Variants in FAM135B observed in about 807,000 individuals in gnomAD.
FAM135B encodes family with sequence similarity 135 member B, also known as protein FAM135B.
In FAM135B, 43 loss-of-function variants were observed where a neutral mutation model predicts 127.7. That is an observed-to-expected ratio of 0.34 (90% CI 0.26 to 0.43). The LOEUF (loss-of-function observed/expected upper bound fraction) is 0.43. Ranked by LOEUF, FAM135B falls within the 20% of genes least tolerant of loss-of-function variation. FAM135B has a pLI of 1.00. For synonymous variants in FAM135B, 670 were observed against 665.1 expected (o/e 1.01, Z -0.11); for missense variants, 1,558 against 1,725.6 (o/e 0.90, Z 1.72).
chr8:138,345,639 A>G (rs951158101), intron 2 of FAM135B, among the ~76,000 whole-genome samples: 14 of 152,200 alleles, frequency 9.2e-5, no homozygotes, highest in African/African-American at 3.4e-4. Flanking sequence ...GTCCAACTCT[A>G]TCTGAAGCCA....
At chr8:138,403,579 T>C (rs1400056041) in intron 1 of FAM135B, among the ~76,000 whole-genome samples, 3 of 152,238 alleles carry the variant, frequency 2.0e-5, no homozygotes, top group Non-Finnish European at 4.4e-5. Context: ...TGTTTATCTC[T>C]GCTCTGCAGA....
chr8:138,495,894 G>A (rs1564043147), intron 1 of FAM135B, among the ~76,000 whole-genome samples: 1 of 152,148 alleles, frequency 6.6e-6, no homozygotes, highest in Admixed American at 6.5e-5. Flanking sequence ...GTCTGAAAGC[G>A]AGATAGTTTG....
chr8:138,458,841 C>T (rs1218145125), intron 1 of FAM135B, among the ~76,000 whole-genome samples: 1 of 152,156 alleles, frequency 6.6e-6, no homozygotes, highest in East Asian at 1.9e-4. Context: ...AGAAGTTACG[C>T]TGAATTCAGA....
intron 7 of FAM135B, among the ~76,000 whole-genome samples, chr8:138,229,489 G>A (rs887323457): frequency 1.3e-5 from 2 of 152,184 alleles, no homozygotes; most frequent in African/African-American, 4.8e-5. Context: ...GTTAGACAGT[G>A]CTGAAGTAAC....
rs764921855 is a variant in FAM135B, at chr8:138,177,336, T to C, written c.1103+11A>G. ...TTTTAGGGATGAAGTGGGCATGCAA[T>C]GGATACTTACAGATTCTCCTGAAAT... is the stretch of plus-strand genomic sequence containing the variant. On this transcript the variant is annotated intron_variant, in intron 11 of 19. Transcript: ENST00000395297. 15 of 1,612,394 alleles carry C rather than the reference T, an allele frequency of 9.3e-6. No individual in the cohort carries two copies. Among genetic ancestry groups the C allele is most frequent in the Non-Finnish European group, 1.1e-5 (13 of 1,178,998 alleles).
intron 12 of FAM135B, among the ~76,000 whole-genome samples, chr8:138,154,945 C>T (rs1818574751): frequency 6.6e-6 from 1 of 152,186 alleles, no homozygotes; most frequent in South Asian, 2.1e-4. Context: ...ATACAGAGAA[C>T]TCCACAAAGA....
chr8:138,333,473 C>G (rs1298337377), intron 2 of FAM135B, among the ~76,000 whole-genome samples: 1 of 152,174 alleles, frequency 6.6e-6, no homozygotes, highest in Non-Finnish European at 1.5e-5. Flanking sequence ...TCCCTGACCT[C>G]ATGGGAAGCC....
intron 3 of FAM135B, among the ~76,000 whole-genome samples, chr8:138,269,964 T>G (rs1426062357): frequency 6.6e-6 from 1 of 152,216 alleles, no homozygotes; most frequent in Non-Finnish European, 1.5e-5. Context: ...TTATTTTTTT[T>G]CCAAAGATTG....
rs756792167 is a variant in FAM135B, at chr8:138,364,294, GC to G, written c.77+3612del. ...AATGCAGAATCCTGGTTGGCATCAT[GC>G]CCAGTCTGTCCACAGCTGCCCAAAG... On this transcript the variant is annotated intron_variant, in intron 2 of 19. Coordinates refer to ENST00000395297, the MANE Select transcript of FAM135B (RefSeq NM_015912.4). Among the ~76,000 whole-genome samples, 76 of 152,278 alleles carry G rather than the reference GC, an allele frequency of 5.0e-4. 1 individual carries two copies. Among genetic ancestry groups the G allele is most frequent in the Non-Finnish European group, 9.0e-4 (61 of 68,032 alleles).
intron 7 of FAM135B, among the ~76,000 whole-genome samples, chr8:138,206,626 A>ACTCTATCATCCCCTTGATCTATGCACAG (rs1817671825): frequency 1.7e-5 from 1 of 58,520 alleles, no homozygotes; most frequent in Non-Finnish European, 3.6e-5. Context: ...CCTACACACA[A>ACTCTATCATCCCCTTGATCTATGCACAG]CTCTATCATC....
chr8:138,431,911 C>T lies in FAM135B; in HGVS notation c.-19-63909G>A, dbSNP rs111432830. Among the ~76,000 whole-genome samples the T allele has an allele frequency of 1.9e-3, 283 of 152,318 alleles. 1 individual carries two copies. Among genetic ancestry groups the T allele is most frequent in the Non-Finnish European group, 3.5e-3 (237 of 68,024 alleles). ...AGAGGAAAGGCCACTCCTAAGAATG[C>T]CTCTCTTGGGAGGAAAACAAAATCA... On this transcript the variant is annotated intron_variant, in intron 1 of 19. Coordinates refer to ENST00000395297, the MANE Select transcript of FAM135B (RefSeq NM_015912.4).
chr8:138,477,475 CTGTT>C (rs1308434641), intron 1 of FAM135B: 2 of 152,184 alleles, frequency 1.3e-5, no homozygotes, highest in African/African-American at 2.4e-5. Flanking sequence ...TTTTCATCAT[CTGTT>C]TGTTTATCTG....
intron 2 of FAM135B, among the ~76,000 whole-genome samples, chr8:138,319,162 A>G (rs2130934465): frequency 6.6e-6 from 1 of 152,224 alleles, no homozygotes; most frequent in South Asian, 2.1e-4. Flanking sequence ...GCTGGAGTGC[A>G]GTGGCGCAAT....
rs1817124295 is a variant in FAM135B at position 138,141,298 on chromosome 8, C to A, written c.3690G>T (p.Arg1230=). 1 of 1,614,040 alleles carries A rather than the reference C, an allele frequency of 6.2e-7. No homozygotes were observed. The highest frequency in any genetic ancestry group is 8.5e-7 in the Non-Finnish European group (1 of 1,179,984). ...TGTTGAGGTAATACCGGAACCGGGG[C>A]CGTGTGAGGACCGATCGGATGATGA... ...GNIIIRSVLT[R]PRFRYYLNKL... The change falls in exon 17 of 20, where the codon CGG becomes CGT. Residue 1230 remains arginine (R), a synonymous_variant. Transcript: ENST00000395297. The surrounding 1 kb of genome is among the most constrained non-coding windows in gnomAD (Gnocchi z 4.7).
At chr8:138,341,788 A>G (rs1396311692) in intron 2 of FAM135B, among the ~76,000 whole-genome samples, 1 of 152,102 alleles carries the variant, frequency 6.6e-6, no homozygotes, top group East Asian at 1.9e-4. Context: ...AAGCATAAAG[A>G]CAAATGTCTT....
At chr8:138,453,910 T>C (rs1382932051) in intron 1 of FAM135B, among the ~76,000 whole-genome samples, 1 of 152,140 alleles carries the variant, frequency 6.6e-6, no homozygotes, top group Admixed American at 6.5e-5. Context: ...TAGAAGGATC[T>C]TTGCTATGCT....
At chr8:138,396,801 G>A (rs1052060022) in intron 1 of FAM135B, among the ~76,000 whole-genome samples, 2 of 152,074 alleles carry the variant, frequency 1.3e-5, no homozygotes, top group Non-Finnish European at 2.9e-5. Context: ...AGAGCAGCCT[G>A]TGTGGCTTTG....
At chr8:138,307,345 G>A (rs1826340489) in intron 3 of FAM135B, among the ~76,000 whole-genome samples, 2 of 152,152 alleles carry the variant, frequency 1.3e-5, no homozygotes, top group Non-Finnish European at 2.9e-5. Flanking sequence ...CACCCGTGCA[G>A]AACTATAAGT....
At chr8:138,269,012 G>C (rs1198279677) in intron 3 of FAM135B, among the ~76,000 whole-genome samples, 1 of 152,180 alleles carries the variant, frequency 6.6e-6, no homozygotes, top group African/African-American at 2.4e-5. Flanking sequence ...GAGGGGAGCA[G>C]AGAAAAGAGA....
Sources: allele counts gnomAD v4.1 joint callset (sites outside exome capture counted in the v4.1 genomes callset), GRCh38; gene constraint gnomAD v4.1.1; non-coding constraint Gnocchi (gnomAD v3.1); transcripts MANE v1.5; gene names NCBI Gene and HGNC (gene_info 2026-07-23, HGNC 2026-07-21).